Variants in COL5A1 observed in about 807,000 individuals in gnomAD.
COL5A1 encodes collagen type V alpha 1 chain.
COL5A1 carries 16 observed loss-of-function variants against 263.7 expected under a neutral mutation model. The ratio of observed to expected loss-of-function variants is 0.06; its 90% confidence interval spans 0.04 to 0.09. The LOEUF is 0.09. Among genes scored for constraint, COL5A1 ranks in the 10% least tolerant of loss-of-function variants. The pLI, the probability that COL5A1 is intolerant of heterozygous loss-of-function variation, is 1.00. For missense variants in COL5A1, 2,036 were observed against 2,540.5 expected, an observed-to-expected ratio of 0.80 and a Z score of 4.27; for synonymous variants, 1,012 against 1,004.5, an observed-to-expected ratio of 1.01 and a Z score of -0.14.
At chr9:134,685,859 A>G (rs1833057666) in intron 1 of COL5A1, among the ~76,000 whole-genome samples, 2 of 140,592 alleles carry the variant, frequency 1.4e-5, no homozygotes, top group African/African-American at 2.7e-5. Flanking sequence ...ATCATCATCC[A>G]TCCATCGTCC....
Position 134,796,996 on chromosome 9 carries a change from T to C in COL5A1, c.2898+95T>C, listed in dbSNP as rs150821558. On this transcript the variant is annotated intron_variant, in intron 36 of 65. Coordinates refer to ENST00000371817, the MANE Select transcript of COL5A1 (RefSeq NM_000093.5). ...CCCGCCTGTTTTCTCTGAGGTCTGCTCGGAGCTCCTCACAGTGGCCGGTGG... is the reference window on the plus strand; with the variant it reads ...CCCGCCTGTTTTCTCTGAGGTCTGCCCGGAGCTCCTCACAGTGGCCGGTGG... 3,843 of 1,262,276 alleles carry C rather than the reference T, an allele frequency of 3.0e-3. 6 individuals carry two copies. The highest frequency in any genetic ancestry group is 4.0e-3 in the Non-Finnish European group (3,439 of 861,866). 78.2% of individuals were successfully genotyped at this position (1,262,276 alleles called of 1,614,324 possible). A position where few individuals can be genotyped will look rare whatever the true frequency, so the allele number is the denominator to read the frequency against.
rs1370002301 is a variant in COL5A1, at chr9:134,794,252, C to T, written c.2701-830C>T. Among the ~76,000 whole-genome samples the T allele has an allele frequency of 1.3e-5, 2 of 151,052 alleles. No homozygotes were observed. Among genetic ancestry groups the T allele is most frequent in the African/African-American group, 2.4e-5 (1 of 41,006 alleles). ...AGGAGAATCGCTTGAACCTGGGAGGCGGAGGTTGCAGTCAGCCAAGATCAC... is the reference window on the plus strand; with the variant it reads ...AGGAGAATCGCTTGAACCTGGGAGGTGGAGGTTGCAGTCAGCCAAGATCAC... On this transcript the variant is annotated intron_variant, in intron 32 of 65. Transcript: ENST00000371817. This position sits in a 1 kb window ranked among gnomAD's most constrained non-coding sequence, Gnocchi z 4.3.
chr9:134,830,109 G>A, intron 64 of COL5A1, 65 bp downstream of exon 64: 1 of 1,613,150 alleles, frequency 6.2e-7, no homozygotes, highest in Non-Finnish European at 8.5e-7. Context: ...ATCTTACAGA[G>A]TAAAATGGCC....
At position 134,765,603 on chromosome 9, in the gene COL5A1, C is replaced by T; in HGVS notation, c.2035-78C>T. The stretch of plus-strand genomic sequence containing the variant: ...CTGGGGTTCTGGGTGGAGTCAGGGC[C>T]AAGTGGGCATAGGGGACAGAGAGGA... On this transcript the variant is annotated intron_variant, in intron 20 of 65. Transcript: ENST00000371817. This position sits in a 1 kb window ranked among gnomAD's most constrained non-coding sequence, Gnocchi z 5.1. 1 of 1,341,432 alleles carries T rather than the reference C, an allele frequency of 7.5e-7. No homozygotes were observed. Among genetic ancestry groups the T allele is most frequent in the Non-Finnish European group, 1.1e-6 (1 of 934,092 alleles). The allele number at this position is 1,341,432 out of a possible 1,614,324, so 83.1% of individuals were successfully genotyped here.
In COL5A1 at chr9:134,822,886, G is replaced by A. The variant is rs554396971; in HGVS notation, c.4609-112G>A. 23 of 1,172,140 alleles carry A rather than the reference G, an allele frequency of 2.0e-5. 1 individual carries two copies. The Admixed American group carries it at 2.5e-4, about 13-fold the overall frequency. 72.6% of individuals were successfully genotyped at this position (1,172,140 alleles called of 1,614,324 possible). On this transcript the variant is annotated intron_variant, in intron 59 of 65. Transcript: ENST00000371817. The stretch of plus-strand genomic sequence containing the variant: ...AATACAAGCATAGACTCTTGAGGGG[G>A]ATGCGGGTGGGAGAGGGGCGAGGGG...
intron 1 of COL5A1, among the ~76,000 whole-genome samples, chr9:134,674,524 G>C (rs1222153303): frequency 6.6e-6 from 1 of 152,124 alleles, no homozygotes; most frequent in African/African-American, 2.4e-5. Context: ...GTGTGTGTGT[G>C]TGTTGGATGA....
At chr9:134,676,050 A>ATT (rs377052563) in intron 1 of COL5A1, among the ~76,000 whole-genome samples, 1 of 148,584 alleles carries the variant, frequency 6.7e-6, no homozygotes, top group African/African-American at 2.5e-5. Context: ...TTGTTTTGGC[A>ATT]TTTTTTTTTT....
At chr9:134,645,423 C>A (rs1211214643) in intron 1 of COL5A1, among the ~76,000 whole-genome samples, 1 of 152,352 alleles carries the variant, frequency 6.6e-6, no homozygotes, top group East Asian at 1.9e-4. Flanking sequence ...CAGTGAGCTG[C>A]CCCGCTGGAG....
At chr9:134,707,394 G>A (rs187893380) in intron 4 of COL5A1, among the ~76,000 whole-genome samples, 22 of 152,248 alleles carry the variant, frequency 1.4e-4, no homozygotes, top group Non-Finnish European at 2.9e-4. Flanking sequence ...AACACCGAGC[G>A]GTTTACCTAA....
chr9:134,803,113 A>G (rs1010258105), intron 39 of COL5A1, 118 bp downstream of exon 39: 2 of 854,454 alleles, frequency 2.3e-6, no homozygotes, highest in African/African-American at 3.4e-5. Context: ...GACGCTTCTC[A>G]TGCCGGTTCA....
chr9:134,814,328 C>T (rs1161489178), intron 49 of COL5A1, among the ~76,000 whole-genome samples: 1 of 152,216 alleles, frequency 6.6e-6, no homozygotes, highest in African/African-American at 2.4e-5. Flanking sequence ...CACCTCGTCC[C>T]CCCGGACCTT....
intron 4 of COL5A1, among the ~76,000 whole-genome samples, chr9:134,713,613 T>C (rs1272709921): frequency 1.3e-5 from 2 of 152,172 alleles, no homozygotes; most frequent in South Asian, 2.1e-4. Context: ...CAATCAATTG[T>C]ACAAGCGCAG....
At chr9:134,798,487 G>C in intron 37 of COL5A1, 26 bp downstream of exon 37, 1 of 1,611,978 alleles carries the variant, frequency 6.2e-7, no homozygotes, top group Non-Finnish European at 8.5e-7. Context: ...GCTGGGGGAC[G>C]TGGCTGGCTG....
At chr9:134,796,314 A>G (rs947873899) in intron 34 of COL5A1, 60 bp from the exon 35 acceptor site, 36 of 1,561,252 alleles carry the variant, frequency 2.3e-5, no homozygotes, top group Non-Finnish European at 3.2e-5. Context: ...TGTGGGCCAG[A>G]GTCTTTTCAT....
At chr9:134,748,086 T>C (rs1373434259) in intron 11 of COL5A1, among the ~76,000 whole-genome samples, 3 of 136,768 alleles carry the variant, frequency 2.2e-5, no homozygotes, top group Non-Finnish European at 4.8e-5. Flanking sequence ...CAAACATGCA[T>C]GCACAGACAT....
rs775075031 is a variant in COL5A1, at chr9:134,812,076, G to A, written c.3691-373G>A. Among the ~76,000 whole-genome samples the A allele has an allele frequency of 2.2e-4, 34 of 152,268 alleles. No homozygotes were observed. In the Middle Eastern group the frequency reaches 0.01, roughly 46 times the overall value. Reference sequence around the variant, plus strand: ...TCCCGTTTTATGTTACGAGTGTGTTGAATGCCATTACACATGACTTTCTAT... The same window carrying A: ...TCCCGTTTTATGTTACGAGTGTGTTAAATGCCATTACACATGACTTTCTAT... On this transcript the variant is annotated intron_variant, in intron 46 of 65. Transcript: ENST00000371817.
At chr9:134,661,242 A>G (rs1165812966) in intron 1 of COL5A1, among the ~76,000 whole-genome samples, 6 of 151,596 alleles carry the variant, frequency 4.0e-5, no homozygotes, top group African/African-American at 1.5e-4. Flanking sequence ...CCTTCCTTGG[A>G]TTGGGATCTT....
rs202054108 is a variant in COL5A1, at chr9:134,805,067, G to A, written c.3204+3G>A. 1.8e-4 allele frequency: 287 copies of A among 1,613,986 alleles called. No homozygotes were observed. In the African/African-American group the frequency reaches 3.5e-3, roughly 20 times the overall value. On this transcript the variant is annotated splice_donor_region_variant and intron_variant, in intron 40 of 65. Transcript: ENST00000371817. ...ACCGAGGGCTTCCTGGTCCAGTGGT[G>A]AGTGAGAGGCCAGGCGGGGAATGAA...
At chr9:134,822,844 C>T in intron 59 of COL5A1, 154 bp from the exon 60 acceptor site, 1 of 895,020 alleles carries the variant, frequency 1.1e-6, no homozygotes, top group Non-Finnish European at 1.8e-6. Context: ...CGACCCTCCT[C>T]CCACTCTAGC....
Sources: gnomAD v4.1 joint callset for allele counts (sites outside exome capture counted in the v4.1 genomes callset) on GRCh38, gnomAD v4.1.1 for gene constraint, Gnocchi (gnomAD v3.1) non-coding constraint, MANE v1.5 for transcripts, NCBI Gene and HGNC (gene_info 2026-07-23, HGNC 2026-07-21) for gene names.